The following TGFBR3 variants were observed in gnomAD, a reference collection of about 807,000 sequenced individuals.
The protein encoded by TGFBR3 is transforming growth factor beta receptor 3, also known as transforming growth factor beta receptor type 3.
Under a neutral mutation model 87.9 loss-of-function variants are expected in TGFBR3, and 46 were observed. That is an observed-to-expected ratio of 0.52 (90% CI 0.41 to 0.67). TGFBR3 has a LOEUF of 0.67. Among genes scored for constraint, TGFBR3 ranks in the 30% least tolerant of loss-of-function variants. TGFBR3 has a pLI of 0.00. For synonymous variants in TGFBR3, 381 were observed against 391.6 expected, an observed-to-expected ratio of 0.97 and a Z score of 0.32; for missense variants, 866 against 1,041.9, an observed-to-expected ratio of 0.83 and a Z score of 2.32.
chr1:91,761,496 C>A (rs899243071), intron 3 of TGFBR3, among the ~76,000 whole-genome samples: 1 of 152,100 alleles, frequency 6.6e-6, no homozygotes, highest in East Asian at 1.9e-4. Context: ...TTGGGAAATT[C>A]AAAGAAAAAT....
At chr1:91,725,698 G>A (rs1000836169) in intron 7 of TGFBR3, among the ~76,000 whole-genome samples, 4 of 152,180 alleles carry the variant, frequency 2.6e-5, no homozygotes, top group Non-Finnish European at 5.9e-5. Flanking sequence ...TTTCACAGGT[G>A]ACCAAACAGA....
chr1:91,819,932 T>C (rs1238494425), intron 2 of TGFBR3, among the ~76,000 whole-genome samples: 3 of 152,240 alleles, frequency 2.0e-5, no homozygotes, highest in Non-Finnish European at 4.4e-5. Flanking sequence ...ACTGGCTTCT[T>C]AGAAGCTGTG....
At chr1:91,714,497 T>TATG (rs1250967107) in intron 12 of TGFBR3, among the ~76,000 whole-genome samples, 1 of 151,452 alleles carries the variant, frequency 6.6e-6, no homozygotes, top group East Asian at 1.9e-4. Flanking sequence ...GAGGATAAAC[T>TATG]ATGAGAAATA....
At chr1:91,802,110 A>C (rs1406441129) in intron 2 of TGFBR3, among the ~76,000 whole-genome samples, 3 of 152,148 alleles carry the variant, frequency 2.0e-5, no homozygotes, top group Non-Finnish European at 4.4e-5. Context: ...TGGGTAAAAA[A>C]CAAGCCTCTC....
intron 3 of TGFBR3, among the ~76,000 whole-genome samples, chr1:91,760,436 CTG>C (rs1673917684): frequency 6.6e-6 from 1 of 152,106 alleles, no homozygotes; most frequent in Non-Finnish European, 1.5e-5. Flanking sequence ...AAACAAAAAA[CTG>C]TGCTTAACAT....
rs1263645446 is a variant in TGFBR3, at chr1:91,801,736, T to TA, written c.62-4266dup. On this transcript the variant is annotated intron_variant, in intron 2 of 16. Transcript: ENST00000212355. The stretch of plus-strand genomic sequence containing the variant: ...AGTTGGGAGAGGGAGGCAATGCTTA[T>TA]AAAAAAAATTAAGCCCAGAAATGCC... Among the ~76,000 whole-genome samples, 6 of 152,004 alleles carry TA rather than the reference T, an allele frequency of 3.9e-5. No homozygotes were observed. The East Asian group carries it at 7.7e-4, about 20-fold the overall frequency.
intron 4 of TGFBR3, among the ~76,000 whole-genome samples, chr1:91,735,333 T>A (rs1004260796): frequency 8.5e-5 from 13 of 152,202 alleles, no homozygotes; most frequent in Admixed American, 6.5e-4. Flanking sequence ...CGTGGGCTTA[T>A]AAAAAGCTTC....
At chr1:91,730,881 A>G (rs1488223159) in intron 5 of TGFBR3, among the ~76,000 whole-genome samples, 1 of 152,268 alleles carries the variant, frequency 6.6e-6, no homozygotes, top group Admixed American at 6.5e-5. Flanking sequence ...CGCAAACATT[A>G]TCTCACTGTG....
chr1:91,774,686 G>A (rs899465086), intron 3 of TGFBR3, among the ~76,000 whole-genome samples: 7 of 152,146 alleles, frequency 4.6e-5, no homozygotes, highest in African/African-American at 1.4e-4. Flanking sequence ...CATCACAATC[G>A]ACTCATGCGG....
intron 12 of TGFBR3, among the ~76,000 whole-genome samples, chr1:91,714,500 G>C (rs1046667656): frequency 6.6e-6 from 1 of 151,868 alleles, no homozygotes; most frequent in Non-Finnish European, 1.5e-5. Flanking sequence ...GATAAACTAT[G>C]AGAAATATAG....
At chr1:91,776,833 G>A (rs1007143288) in intron 3 of TGFBR3, among the ~76,000 whole-genome samples, 5 of 152,142 alleles carry the variant, frequency 3.3e-5, no homozygotes, top group African/African-American at 9.7e-5. Flanking sequence ...GACGAGGGCC[G>A]AAAGGTAGCA....
In TGFBR3 at chr1:91,826,293, A is replaced by G. The variant is rs142036885; in HGVS notation, c.62-28822T>C. Among the ~76,000 whole-genome samples, 9 of 152,248 alleles carry G rather than the reference A, an allele frequency of 5.9e-5. No individual in the cohort carries two copies. The East Asian group carries it at 1.7e-3, about 29-fold the overall frequency. ...CAAGGGCCATGATCGCCTCTTCATT[A>G]CCTTGTCCAGTACCTTATCCCTAAG... On this transcript the variant is annotated intron_variant, in intron 2 of 16. Transcript: ENST00000212355.
At chr1:91,899,284 T>TAGG (rs1273293023) in intron 2 of TGFBR3, among the ~76,000 whole-genome samples, 4 of 152,134 alleles carry the variant, frequency 2.6e-5, no homozygotes, top group African/African-American at 9.7e-5. Context: ...TTGGAAAGCT[T>TAGG]AGGCGGAAGG....
At chr1:91,733,075 C>T (rs113175088) in intron 5 of TGFBR3, among the ~76,000 whole-genome samples, 1,727 of 152,214 alleles carry the variant, frequency 0.011, 27 homozygotes, top group African/African-American at 0.039. Context: ...GGGATTTGAC[C>T]TCTGTTATTA....
At chr1:91,831,213 G>C (rs1283810777) in intron 2 of TGFBR3, among the ~76,000 whole-genome samples, 1 of 151,798 alleles carries the variant, frequency 6.6e-6, no homozygotes, top group East Asian at 1.9e-4. Flanking sequence ...GATCATTTCA[G>C]ACAAAAACAA....
intron 3 of TGFBR3, among the ~76,000 whole-genome samples, chr1:91,774,297 A>T (rs1314252284): frequency 1.3e-5 from 2 of 151,994 alleles, no homozygotes; most frequent in African/African-American, 4.8e-5. Flanking sequence ...GCCACCAGCC[A>T]GGCTAATTTT....
intron 4 of TGFBR3, among the ~76,000 whole-genome samples, chr1:91,738,497 T>G (rs1673041345): frequency 6.6e-6 from 1 of 152,140 alleles, no homozygotes; most frequent in Non-Finnish European, 1.5e-5. Flanking sequence ...TTTAAAAGTG[T>G]GTGGCACCTC....
chr1:91,755,136 T>A (rs988160067), intron 4 of TGFBR3: 12 of 152,204 alleles, frequency 7.9e-5, no homozygotes, highest in African/African-American at 2.9e-4. Flanking sequence ...AAGTGTTTGA[T>A]GAACACTTTA....
At chr1:91,877,809 A>G (rs1456600005) in intron 1 of TGFBR3, among the ~76,000 whole-genome samples, 3 of 152,212 alleles carry the variant, frequency 2.0e-5, no homozygotes, top group Non-Finnish European at 4.4e-5. Flanking sequence ...GGCTGTTGGC[A>G]TAAGTATTTT....
Sources: gnomAD v4.1 joint callset for allele counts (sites outside exome capture counted in the v4.1 genomes callset) on GRCh38, gnomAD v4.1.1 for gene constraint, MANE v1.5 for transcripts, NCBI Gene and HGNC (gene_info 2026-07-23, HGNC 2026-07-21) for gene names.